PKP4: variants seen among roughly 807,000 people sequenced by gnomAD.
The protein encoded by PKP4 is plakophilin 4.
A neutral mutation model predicts 145.1 loss-of-function variants in PKP4; 90 were observed. That is an observed-to-expected ratio of 0.62 (90% CI 0.52 to 0.74). The LOEUF is 0.74. Ranked by LOEUF, PKP4 falls within the 30% of genes least tolerant of loss-of-function variation. The pLI, the probability that PKP4 is intolerant of heterozygous loss-of-function variation, is 0.00. For missense variants in PKP4, 1,340 were observed against 1,482.7 expected (o/e 0.90, Z 1.58); for synonymous variants, 563 against 577.2 (o/e 0.98, Z 0.35).
chr2:158,634,977 A>G (rs886594087), intron 9 of PKP4, among the ~76,000 whole-genome samples: 3 of 152,224 alleles, frequency 2.0e-5, no homozygotes, highest in African/African-American at 7.2e-5. Flanking sequence ...TAAAATATTC[A>G]GGAAATAAAG....
chr2:158,607,472 A>C (rs1038172716), intron 4 of PKP4, among the ~76,000 whole-genome samples: 2 of 152,186 alleles, frequency 1.3e-5, no homozygotes, highest in Non-Finnish European at 2.9e-5. Context: ...GAAGCACCCA[A>C]GAGATAATGA....
intron 1 of PKP4, among the ~76,000 whole-genome samples, chr2:158,523,698 C>T (rs973942272): frequency 1.5e-5 from 2 of 132,182 alleles, no homozygotes; most frequent in African/African-American, 3.1e-5. Flanking sequence ...TACGGGAGGA[C>T]ATTCAAACCA....
At chr2:158,457,959 T>A (rs533732743) in intron 1 of PKP4, 1 of 152,270 alleles carries the variant, frequency 6.6e-6, no homozygotes, top group Non-Finnish European at 1.5e-5. Context: ...CTGGCGGATC[T>A]GGTATCCCCG....
At position 158,680,288 on chromosome 2, in the gene PKP4, C is replaced by G. The variant is rs1399052232; in HGVS notation, c.3331-141C>G. 27 of 665,092 alleles carry G rather than the reference C, an allele frequency of 4.1e-5. No homozygotes were observed. The South Asian group carries it at 5.3e-4, about 13-fold the overall frequency. 41.2% of individuals were successfully genotyped at this position (665,092 alleles called of 1,614,324 possible). A position where few individuals can be genotyped will look rare whatever the true frequency, so the allele number is the denominator to read the frequency against. ...TCCAATAGTAAACGCATAGTGTGCA[C>G]CAGAAACAGCTTTTAACCTTAAACT... On this transcript the variant is annotated intron_variant, in intron 21 of 21. Transcript: ENST00000389759.
At chr2:158,648,488 C>T (rs1391304430) in intron 11 of PKP4, among the ~76,000 whole-genome samples, 3 of 152,068 alleles carry the variant, frequency 2.0e-5, no homozygotes, top group African/African-American at 4.8e-5. Flanking sequence ...GATTACTTGC[C>T]GTTACAGGAT....
At chr2:158,552,639 T>C (rs2045730977) in intron 2 of PKP4, among the ~76,000 whole-genome samples, 1 of 152,204 alleles carries the variant, frequency 6.6e-6, no homozygotes, top group South Asian at 2.1e-4. Context: ...TCTTAATATT[T>C]ACAGGCATAC....
intron 11 of PKP4, among the ~76,000 whole-genome samples, chr2:158,650,209 C>G (rs1385314496): frequency 5.3e-5 from 8 of 152,194 alleles, no homozygotes; most frequent in Non-Finnish European, 1.2e-4. Flanking sequence ...TCTGCTTCAA[C>G]AGAAGGAGCC....
intron 1 of PKP4, among the ~76,000 whole-genome samples, chr2:158,500,350 A>G (rs942597207): frequency 3.3e-5 from 5 of 152,202 alleles, no homozygotes; most frequent in Admixed American, 2.6e-4. Context: ...AAGTGTGCAG[A>G]AATTTTCATT....
At chr2:158,599,005 T>C (rs1426370924) in intron 3 of PKP4, among the ~76,000 whole-genome samples, 1 of 152,152 alleles carries the variant, frequency 6.6e-6, no homozygotes, top group South Asian at 2.1e-4. Context: ...TTAGAAATGC[T>C]TCAGATGTAG....
intron 1 of PKP4, among the ~76,000 whole-genome samples, chr2:158,496,040 G>A (rs527303242): frequency 1.3e-5 from 2 of 151,604 alleles, no homozygotes; most frequent in African/African-American, 4.8e-5. Flanking sequence ...GAATGTAGTG[G>A]CGCAATCTCA....
At chr2:158,616,468 C>T (rs561864008) in intron 4 of PKP4, among the ~76,000 whole-genome samples, 3 of 137,170 alleles carry the variant, frequency 2.2e-5, no homozygotes, top group Admixed American at 1.6e-4. Flanking sequence ...TGTAACACAA[C>T]AGTTTCTACT....
intron 1 of PKP4, among the ~76,000 whole-genome samples, chr2:158,463,046 A>T (rs72931477): frequency 2.0e-5 from 3 of 152,314 alleles, no homozygotes; most frequent in Non-Finnish European, 4.4e-5. Context: ...ATGGATTTCA[A>T]CAGGATATTT....
chr2:158,576,560 T>C (rs192264315), intron 2 of PKP4, among the ~76,000 whole-genome samples: 55 of 152,370 alleles, frequency 3.6e-4, no homozygotes, highest in African/African-American at 1.3e-3. Flanking sequence ...CATTCTCTCC[T>C]TTCATAGAAC....
At chr2:158,480,540 G>A (rs1395910446) in intron 1 of PKP4, among the ~76,000 whole-genome samples, 3 of 151,230 alleles carry the variant, frequency 2.0e-5, no homozygotes, top group South Asian at 4.2e-4. Flanking sequence ...CCTGGCCTCT[G>A]GGATTCTTTT....
intron 1 of PKP4, among the ~76,000 whole-genome samples, chr2:158,510,467 G>C (rs187946214): frequency 6.6e-6 from 1 of 152,320 alleles, no homozygotes; most frequent in Non-Finnish European, 1.5e-5. Context: ...TGAGCATTGC[G>C]TGTTGCTAAG....
chr2:158,472,346 A>G (rs959757954), intron 1 of PKP4, among the ~76,000 whole-genome samples: 2 of 152,114 alleles, frequency 1.3e-5, no homozygotes, highest in African/African-American at 4.8e-5. Context: ...GTGGTGGCTC[A>G]CGCCTGTAAT....
chr2:158,647,958 G>A (rs981848273), intron 11 of PKP4, among the ~76,000 whole-genome samples: 1 of 152,142 alleles, frequency 6.6e-6, no homozygotes, highest in African/African-American at 2.4e-5. Flanking sequence ...TTCTAAGCTA[G>A]GAAACATGAG....
intron 4 of PKP4, among the ~76,000 whole-genome samples, chr2:158,604,038 G>A (rs1392808000): frequency 2.0e-5 from 3 of 152,196 alleles, no homozygotes; most frequent in South Asian, 2.1e-4. Flanking sequence ...AGGCAGAAAC[G>A]TGAAAAGCTA....
chr2:158,562,683 TATC>T (rs1480440622), intron 2 of PKP4, among the ~76,000 whole-genome samples: 4 of 152,344 alleles, frequency 2.6e-5, no homozygotes, highest in African/African-American at 7.2e-5. Context: ...CTGTTTAAAA[TATC>T]ATGTCTACTT....
Sources: allele counts gnomAD v4.1 joint callset (sites outside exome capture counted in the v4.1 genomes callset), GRCh38; gene constraint gnomAD v4.1.1; transcripts MANE v1.5; gene names NCBI Gene and HGNC (gene_info 2026-07-23, HGNC 2026-07-21).